Variants in LDAH observed in about 807,000 individuals in gnomAD.
LDAH encodes the protein lipid droplet-associated hydrolase.
In LDAH, 26 loss-of-function variants were observed where a neutral mutation model predicts 29.6. The observed-to-expected ratio is 0.88, with a 90% confidence interval of 0.64 to 1.22. The LOEUF is 1.22. Ranked by LOEUF, LDAH falls within the 50% of genes most tolerant of loss-of-function variation. LDAH has a pLI of 0.00. For missense variants in LDAH, 344 were observed against 387.3 expected (o/e 0.89, Z 0.94); for synonymous variants, 117 against 133.0 (o/e 0.88, Z 0.83).
intron 3 of LDAH, chr2:20,788,779 C>G (rs1489579289): frequency 8.6e-6 from 2 of 233,600 alleles, no homozygotes; most frequent in Admixed American, 5.2e-5. Context: ...AATTGTTACA[C>G]CTTTTGAAAG....
chr2:20,685,723 T>G lies in LDAH; in HGVS notation c.*1180A>C, dbSNP rs749845218. ...CACTGCAGTATGTGGTTCTCAAGATTGAGTCAATTTAGGGGAGGCAGCAAT... is the reference window on the plus strand; with the variant it reads ...CACTGCAGTATGTGGTTCTCAAGATGGAGTCAATTTAGGGGAGGCAGCAAT... On this transcript the variant is annotated 3_prime_UTR_variant, in exon 7 of 7. Coordinates refer to ENST00000237822, the MANE Select transcript of LDAH (RefSeq NM_021925.4). 5.6e-5 allele frequency: 85 copies of G among 1,507,956 alleles called. No individual in the cohort carries two copies. Among genetic ancestry groups the G allele is most frequent in the Non-Finnish European group, 7.1e-5 (80 of 1,128,652 alleles). The allele number at this position is 1,507,956 out of a possible 1,614,324, so 93.4% of individuals were successfully genotyped here.
intron 1 of LDAH, among the ~76,000 whole-genome samples, chr2:20,811,658 G>A (rs926764586): frequency 4.2e-4 from 63 of 151,358 alleles, no homozygotes; most frequent in African/African-American, 1.4e-3. Flanking sequence ...CTAATTTTTT[G>A]TATTTTTAGT....
At chr2:20,780,897 T>C (rs184912847) in intron 3 of LDAH, among the ~76,000 whole-genome samples, 1 of 152,262 alleles carries the variant, frequency 6.6e-6, no homozygotes, top group African/African-American at 2.4e-5. Flanking sequence ...CATTCCATCT[T>C]ACCTCCTTGT....
At chr2:20,690,883 G>A (rs1209591371) in intron 6 of LDAH, among the ~76,000 whole-genome samples, 3 of 122,624 alleles carry the variant, frequency 2.4e-5, no homozygotes, top group Non-Finnish European at 3.8e-5. Flanking sequence ...GTATTATCTC[G>A]TTGTATCCTC....
chr2:20,768,429 G>C (rs1051734106), intron 4 of LDAH, among the ~76,000 whole-genome samples: 1 of 152,184 alleles, frequency 6.6e-6, no homozygotes, highest in Non-Finnish European at 1.5e-5. Context: ...GCCTCACAGA[G>C]AGCTGACACC....
intron 3 of LDAH, among the ~76,000 whole-genome samples, chr2:20,780,885 G>C (rs553374198): frequency 3.3e-5 from 5 of 152,074 alleles, no homozygotes; most frequent in Non-Finnish European, 5.9e-5. Context: ...GGCTCATCTA[G>C]TCATTCCATC....
chr2:20,728,037 T>TTGAATATTTTGGTTCAG (rs757661794), intron 5 of LDAH, among the ~76,000 whole-genome samples: 1 of 152,166 alleles, frequency 6.6e-6, no homozygotes, highest in Non-Finnish European at 1.5e-5. Context: ...TTTGAAATAT[T>TTGAATATTTTGGTTCAG]TGAATATTTT....
intron 4 of LDAH, among the ~76,000 whole-genome samples, chr2:20,771,947 T>A (rs1380571538): frequency 1.3e-5 from 2 of 152,232 alleles, no homozygotes; most frequent in Non-Finnish European, 2.9e-5. Context: ...CGTTTCATCT[T>A]TGTTTCCCCT....
At chr2:20,734,397 A>G (rs1028165789) in intron 5 of LDAH, among the ~76,000 whole-genome samples, 68 of 152,334 alleles carry the variant, frequency 4.5e-4, no homozygotes, top group African/African-American at 1.5e-3. Context: ...TTCTAAATAT[A>G]GAATTCCATC....
chr2:20,704,672 C>A (rs1664181898), intron 5 of LDAH, among the ~76,000 whole-genome samples: 1 of 152,124 alleles, frequency 6.6e-6, no homozygotes. Context: ...GATGGAATCC[C>A]AGGTGATCTG....
chr2:20,774,832 A>C lies in LDAH; in HGVS notation c.446T>G (p.Leu149Arg), dbSNP rs1367203281. The change falls in exon 4 of 7, where the codon CTG (leucine) becomes CGG (arginine). Residue 149 changes from leucine (L) to arginine (R), a missense_variant. Leu to Arg is a moderately radical substitution (Grantham distance 102). Coordinates refer to ENST00000237822, the MANE Select transcript of LDAH (RefSeq NM_021925.4). ...SIGSYFTLQM[L>R]KRVPELPVIR... is the part of the protein sequence containing the mutation. ...TACCGGGAGCTCAGGGACTCGCTTC[A>C]GCATCTGAAGTGTGAAATAGCTGCC... The C allele has an allele frequency of 8.7e-6, 14 of 1,613,064 alleles. No homozygotes were observed. Among genetic ancestry groups the C allele is most frequent in the African/African-American group, 1.3e-5 (1 of 74,900 alleles).
intron 4 of LDAH, among the ~76,000 whole-genome samples, chr2:20,741,169 A>G (rs1166204063): frequency 6.6e-6 from 1 of 152,076 alleles, no homozygotes; most frequent in Non-Finnish European, 1.5e-5. Context: ...ATTTTGGATT[A>G]GTCTTTTATC....
intron 1 of LDAH, among the ~76,000 whole-genome samples, chr2:20,813,688 C>T (rs369768431): frequency 2.0e-5 from 3 of 152,262 alleles, no homozygotes; most frequent in African/African-American, 2.4e-5. Context: ...ATTCTTTTAG[C>T]GATGTAGAAT....
At chr2:20,779,371 G>A (rs1456088711) in intron 3 of LDAH, among the ~76,000 whole-genome samples, 1 of 151,846 alleles carries the variant, frequency 6.6e-6, no homozygotes, top group African/African-American at 2.4e-5. Context: ...GTGAGGGGAG[G>A]GAACTTACAG....
At chr2:20,774,502 C>T (rs556746107) in intron 4 of LDAH, among the ~76,000 whole-genome samples, 7 of 152,250 alleles carry the variant, frequency 4.6e-5, no homozygotes, top group South Asian at 2.1e-4. Flanking sequence ...ACCTAGTGAC[C>T]GCTCTTAAAT....
chr2:20,761,558 A>G (rs1228927230), intron 4 of LDAH, among the ~76,000 whole-genome samples: 2 of 152,210 alleles, frequency 1.3e-5, no homozygotes, highest in East Asian at 1.9e-4. Flanking sequence ...TTTATAAACT[A>G]TCTTGTACCC....
chr2:20,788,985 T>A, intron 3 of LDAH: 1 of 742,538 alleles, frequency 1.3e-6, no homozygotes, highest in Non-Finnish European at 2.2e-6. Context: ...CAGCATGGAG[T>A]CCTGGCTCTC....
chr2:20,820,603 C>T (rs1466277883), intron 1 of LDAH, among the ~76,000 whole-genome samples: 1 of 151,488 alleles, frequency 6.6e-6, no homozygotes, highest in African/African-American at 2.4e-5. Context: ...ACACCTTATA[C>T]AAAAATTAAT....
intron 5 of LDAH, among the ~76,000 whole-genome samples, chr2:20,726,078 C>G (rs1479849264): frequency 2.6e-5 from 4 of 152,128 alleles, no homozygotes; most frequent in Non-Finnish European, 5.9e-5. Context: ...AAACTCAATC[C>G]CAGATGATAA....
Sources: gnomAD v4.1 joint callset for allele counts (sites outside exome capture counted in the v4.1 genomes callset) on GRCh38, gnomAD v4.1.1 for gene constraint, MANE v1.5 for transcripts, NCBI Gene and HGNC (gene_info 2026-07-23, HGNC 2026-07-21) for gene names.